The following TEK variants were observed in gnomAD, a reference collection of about 807,000 sequenced individuals.
TEK encodes the protein TEK receptor tyrosine kinase, also known as angiopoietin-1 receptor.
Under a neutral mutation model 131.8 loss-of-function variants are expected in TEK, and 43 were observed. That is an observed-to-expected ratio of 0.33 (90% confidence interval 0.26 to 0.42). The LOEUF is 0.42. Among genes scored for constraint, TEK ranks in the 10% least tolerant of loss-of-function variants. TEK has a pLI of 1.00. For missense variants in TEK, 1,162 were observed against 1,384.4 expected, an observed-to-expected ratio of 0.84 and a Z score of 2.55; for synonymous variants, 580 against 491.6, an observed-to-expected ratio of 1.18 and a Z score of -2.38.
intron 12 of TEK, among the ~76,000 whole-genome samples, chr9:27,201,546 T>A (rs1003818576): frequency 6.6e-6 from 1 of 152,156 alleles, no homozygotes; most frequent in African/African-American, 2.4e-5. Context: ...GACATACTGT[T>A]GATTAATTGT....
At chr9:27,137,257 A>C (rs1822495511) in intron 1 of TEK, among the ~76,000 whole-genome samples, 1 of 152,148 alleles carries the variant, frequency 6.6e-6, no homozygotes, top group African/African-American at 2.4e-5. Context: ...ATATTTTCAT[A>C]TGTACCCTAT....
intron 22 of TEK, among the ~76,000 whole-genome samples, chr9:27,228,852 A>T (rs1826443000): frequency 6.6e-6 from 1 of 152,180 alleles, no homozygotes; most frequent in Admixed American, 6.6e-5. Context: ...CAGACAGAGG[A>T]AGGAACCCAG....
At chr9:27,141,623 TAA>T (rs1822728095) in intron 1 of TEK, among the ~76,000 whole-genome samples, 1 of 152,188 alleles carries the variant, frequency 6.6e-6, no homozygotes, top group African/African-American at 2.4e-5. Context: ...GATGTGACAA[TAA>T]GTCTATTGAC....
At chr9:27,222,523 A>C (rs910928154) in intron 21 of TEK, among the ~76,000 whole-genome samples, 1 of 152,228 alleles carries the variant, frequency 6.6e-6, no homozygotes, top group Non-Finnish European at 1.5e-5. Flanking sequence ...CTCTCTGTAG[A>C]AACCCTACGA....
intron 1 of TEK, among the ~76,000 whole-genome samples, chr9:27,148,383 C>T (rs1242019946): frequency 6.6e-6 from 1 of 152,196 alleles, no homozygotes; most frequent in East Asian, 1.9e-4. Context: ...ACAAGGCATC[C>T]AAAACATAAT....
intron 10 of TEK, among the ~76,000 whole-genome samples, chr9:27,191,252 C>A (rs906145684): frequency 6.6e-6 from 1 of 151,902 alleles, no homozygotes; most frequent in Non-Finnish European, 1.5e-5. Flanking sequence ...CAAGGACAGG[C>A]AAAGGGAGCT....
At chr9:27,126,633 A>G (rs1191184112) in intron 1 of TEK, among the ~76,000 whole-genome samples, 1 of 152,352 alleles carries the variant, frequency 6.6e-6, no homozygotes, top group East Asian at 1.9e-4. Context: ...ATACAGGGCA[A>G]TATAGCACAG....
intron 10 of TEK, chr9:27,192,038 A>G (rs2224529): frequency 0.35 from 152,920 of 438,852 alleles, 27,552 homozygotes; most frequent in Admixed American, 0.46. Flanking sequence ...CTTCATTGTA[A>G]TAGTATGACC....
intron 11 of TEK, among the ~76,000 whole-genome samples, chr9:27,195,188 C>T (rs1824959708): frequency 6.6e-6 from 1 of 152,126 alleles, no homozygotes; most frequent in Admixed American, 6.5e-5. Flanking sequence ...AAAGGGCCAT[C>T]AGACCTTTTG....
chr9:27,181,858 A>G (rs1468484336), intron 7 of TEK, among the ~76,000 whole-genome samples: 4 of 152,378 alleles, frequency 2.6e-5, no homozygotes, highest in Middle Eastern at 3.4e-3. Flanking sequence ...ATGCCATTGA[A>G]ATAAATACAT....
rs1444435255 is a variant in TEK at position 27,203,164 on chromosome 9, C to T, written c.2209+45C>T. On this transcript the variant is annotated intron_variant, in intron 13 of 22. Transcript: ENST00000380036. ...ATTTACATAGGATTACCGTGCAGCCCTATAGGCAGCTGGTTTATCAGGACA... is the reference window on the plus strand; with the variant it reads ...ATTTACATAGGATTACCGTGCAGCCTTATAGGCAGCTGGTTTATCAGGACA... 5 of 1,601,176 alleles carry T rather than the reference C, an allele frequency of 3.1e-6. No homozygotes were observed. In the African/African-American group the frequency reaches 6.7e-5, roughly 21 times the overall value.
rs184626464 is a variant in TEK at position 27,155,885 on chromosome 9, C to G, written c.53-1946C>G. 2.2e-4 allele frequency among the ~76,000 whole-genome samples: 34 copies of G among 151,630 alleles called. 1 individual carries two copies. In the East Asian group the frequency reaches 4.7e-3, roughly 21 times the overall value. On this transcript the variant is annotated intron_variant, in intron 1 of 22. Coordinates refer to ENST00000380036, the MANE Select transcript of TEK (RefSeq NM_000459.5). The stretch of plus-strand genomic sequence containing the variant: ...CCAGTCTGGTGCGCAGCACTGGAAC[C>G]TCTGCCTCCCGGGCTCAAATGATTC...
At chr9:27,137,167 C>T (rs2131074918) in intron 1 of TEK, among the ~76,000 whole-genome samples, 1 of 152,270 alleles carries the variant, frequency 6.6e-6, no homozygotes, top group African/African-American at 2.4e-5. Flanking sequence ...ATCCACCCGC[C>T]TCGGCCTCCC....
chr9:27,112,148 C>G (rs1009587776), intron 1 of TEK, among the ~76,000 whole-genome samples: 5 of 152,164 alleles, frequency 3.3e-5, no homozygotes, highest in African/African-American at 9.7e-5. Flanking sequence ...ATCCGCCCGC[C>G]TCGGCCTCCC....
At chr9:27,147,301 C>T (rs567870354) in intron 1 of TEK, among the ~76,000 whole-genome samples, 45 of 151,818 alleles carry the variant, frequency 3.0e-4, no homozygotes, top group Non-Finnish European at 4.9e-4. Context: ...GTAGCAGTAT[C>T]TCATTGTGGT....
intron 18 of TEK, among the ~76,000 whole-genome samples, chr9:27,217,064 G>T (rs2152067): frequency 0.85 from 129,387 of 152,240 alleles, 55,238 homozygotes; most frequent in East Asian, 1. Flanking sequence ...AGAGCCTGGA[G>T]GCAGTCAGGA....
At chr9:27,197,684 T>C (rs1329399387) in intron 12 of TEK, 85 bp downstream of exon 12, 1 of 1,540,870 alleles carries the variant, frequency 6.5e-7, no homozygotes, top group African/African-American at 1.4e-5. Flanking sequence ...TGCAGGACTA[T>C]TGGAAATTAT....
intron 11 of TEK, among the ~76,000 whole-genome samples, chr9:27,194,843 G>A (rs1171328368): frequency 1.3e-5 from 2 of 152,102 alleles, no homozygotes; most frequent in Admixed American, 1.3e-4. Flanking sequence ...CTGTTTATGT[G>A]TGTTGATTGA....
At chr9:27,166,036 C>G (rs1423383308) in intron 2 of TEK, among the ~76,000 whole-genome samples, 3 of 152,258 alleles carry the variant, frequency 2.0e-5, no homozygotes, top group Non-Finnish European at 2.9e-5. Flanking sequence ...AAACCACCAT[C>G]TGAAAGCCAC....
Sources: allele counts gnomAD v4.1 joint callset (sites outside exome capture counted in the v4.1 genomes callset), GRCh38; gene constraint gnomAD v4.1.1; transcripts MANE v1.5; gene names NCBI Gene and HGNC (gene_info 2026-07-23, HGNC 2026-07-21).